PIP4K2A: variants seen among roughly 807,000 people sequenced by gnomAD.
PIP4K2A encodes phosphatidylinositol-5-phosphate 4-kinase type 2 alpha.
In PIP4K2A, 14 loss-of-function variants were observed where a neutral mutation model predicts 42.9. The observed-to-expected ratio is 0.33, with a 90% CI of 0.22 to 0.51. The LOEUF (loss-of-function observed/expected upper bound fraction) is 0.51. Among genes scored for constraint, PIP4K2A ranks in the 20% least tolerant of loss-of-function variants. The pLI is 0.97. For missense variants in PIP4K2A, 434 were observed against 519.8 expected, an observed-to-expected ratio of 0.83 and a Z score of 1.61; for synonymous variants, 192 against 192.2, an observed-to-expected ratio of 1.00 and a Z score of 0.01.
At chr10:22,698,448 C>T (rs35386008) in intron 1 of PIP4K2A, among the ~76,000 whole-genome samples, 1 of 152,040 alleles carries the variant, frequency 6.6e-6, no homozygotes, top group Non-Finnish European at 1.5e-5. Flanking sequence ...GTAAATTCCC[C>T]AAAAAGAGAA....
chr10:22,540,070 C>T lies in PIP4K2A; in HGVS notation c.1041G>A (p.Ser347=), dbSNP rs755509877. ...DVYGIKCHEN[S]PRKEVYFMAI... is the part of the protein sequence containing the mutation. ...CCATGAAGTACACCTCCTTCCTAGG[C>T]GAGTCTGCAGAGACAGGAGAGCAAT... The change falls in exon 9 of 10, where the codon TCG becomes TCA. Residue 347 remains serine (S), a synonymous_variant. Coordinates refer to ENST00000376573, the MANE Select transcript of PIP4K2A (RefSeq NM_005028.5). The T allele has an allele frequency of 3.8e-5, 61 of 1,585,020 alleles. No individual in the cohort carries two copies. Among genetic ancestry groups the T allele is most frequent in the South Asian group, 2.7e-4 (24 of 90,558 alleles).
chr10:22,607,597 T>G (rs954127921), intron 3 of PIP4K2A, among the ~76,000 whole-genome samples: 3 of 152,146 alleles, frequency 2.0e-5, no homozygotes, highest in Non-Finnish European at 4.4e-5. Context: ...TACTGACATG[T>G]CTGACAGCAG....
intron 1 of PIP4K2A, among the ~76,000 whole-genome samples, chr10:22,687,304 T>C (rs1216787380): frequency 6.6e-6 from 1 of 152,120 alleles, no homozygotes; most frequent in African/African-American, 2.4e-5. Flanking sequence ...ATTTTATATG[T>C]GGACTCTTTT....
At chr10:22,700,925 A>G (rs1564471849) in intron 1 of PIP4K2A, among the ~76,000 whole-genome samples, 3 of 152,244 alleles carry the variant, frequency 2.0e-5, no homozygotes, top group African/African-American at 7.2e-5. Context: ...AATGGAAATG[A>G]ATAAAACCAT....
chr10:22,590,192 T>A (rs1837480459), intron 4 of PIP4K2A, among the ~76,000 whole-genome samples: 2 of 152,184 alleles, frequency 1.3e-5, no homozygotes, highest in South Asian at 4.1e-4. Flanking sequence ...CCTCTAGAAC[T>A]GTAAGAAATA....
chr10:22,595,026 A>T (rs1384796732), intron 3 of PIP4K2A, among the ~76,000 whole-genome samples: 1 of 152,244 alleles, frequency 6.6e-6, no homozygotes, highest in Non-Finnish European at 1.5e-5. Flanking sequence ...AAAACATAGA[A>T]TGTACCTTTC....
intron 5 of PIP4K2A, chr10:22,569,199 G>C (rs930528275): frequency 7.7e-6 from 5 of 650,856 alleles, no homozygotes; most frequent in Non-Finnish European, 1.4e-5. Context: ...AGACCAGGCT[G>C]GGGGGGTCTC....
chr10:22,610,230 C>T (rs1057267156), intron 1 of PIP4K2A, among the ~76,000 whole-genome samples: 7 of 152,056 alleles, frequency 4.6e-5, no homozygotes, highest in African/African-American at 1.7e-4. Flanking sequence ...ATGAATTTAC[C>T]AAAAGAAGAA....
chr10:22,604,468 AACC>A (rs1264542817), intron 3 of PIP4K2A, among the ~76,000 whole-genome samples: 3 of 151,874 alleles, frequency 2.0e-5, no homozygotes, highest in Non-Finnish European at 4.4e-5. Context: ...TGGAGCCCCT[AACC>A]ACCACATTGA....
intron 1 of PIP4K2A, among the ~76,000 whole-genome samples, chr10:22,669,647 G>T (rs937833938): frequency 9.2e-5 from 14 of 152,186 alleles, no homozygotes; most frequent in African/African-American, 3.1e-4. Context: ...GTGCCCACTG[G>T]AGAGGCCATG....
At chr10:22,682,017 G>C (rs1049912993) in intron 1 of PIP4K2A, among the ~76,000 whole-genome samples, 1 of 151,092 alleles carries the variant, frequency 6.6e-6, no homozygotes, top group Admixed American at 6.6e-5. Context: ...TTGTACATAC[G>C]TAAAAACTAT....
intron 1 of PIP4K2A, among the ~76,000 whole-genome samples, chr10:22,650,848 C>T (rs1588685820): frequency 6.7e-6 from 1 of 150,330 alleles, no homozygotes. Flanking sequence ...TTTTTTTTTT[C>T]CCCTACCTTT....
chr10:22,647,947 A>G (rs1838916497), intron 1 of PIP4K2A, among the ~76,000 whole-genome samples: 2 of 152,262 alleles, frequency 1.3e-5, no homozygotes, highest in Non-Finnish European at 2.9e-5. Flanking sequence ...TTAGAAGATA[A>G]AAATAAAACA....
chr10:22,714,046 T>C, intron 1 of PIP4K2A, 137 bp downstream of exon 1: 2 of 895,442 alleles, frequency 2.2e-6, no homozygotes, highest in Non-Finnish European at 3.3e-6. Context: ...GCTGGGGGCT[T>C]CGAGGCGGGC....
intron 3 of PIP4K2A, among the ~76,000 whole-genome samples, chr10:22,594,523 G>C (rs764804266): frequency 6.6e-6 from 1 of 152,176 alleles, no homozygotes; most frequent in Non-Finnish European, 1.5e-5. Flanking sequence ...TGCCTCCTGA[G>C]TAGCTGGGAT....
At chr10:22,559,499 G>A (rs1456689168) in intron 6 of PIP4K2A, among the ~76,000 whole-genome samples, 1 of 152,156 alleles carries the variant, frequency 6.6e-6, no homozygotes, top group Non-Finnish European at 1.5e-5. Context: ...AATCTGGAAA[G>A]TGCTCACAAG....
At chr10:22,674,721 T>A (rs1236102427) in intron 1 of PIP4K2A, among the ~76,000 whole-genome samples, 2 of 151,746 alleles carry the variant, frequency 1.3e-5, no homozygotes, top group African/African-American at 4.8e-5. Flanking sequence ...CGTGGGAGGA[T>A]GCTTGAGGCC....
At chr10:22,555,759 TA>T (rs542246485) in intron 6 of PIP4K2A, among the ~76,000 whole-genome samples, 8,610 of 143,254 alleles carry the variant, frequency 0.06, 587 homozygotes, top group African/African-American at 0.17. Context: ...CCTGGATAAT[TA>T]AAAAAAAAAA....
chr10:22,541,778 A>C (rs148507869), intron 8 of PIP4K2A, 26 bp downstream of exon 8: 2 of 1,506,878 alleles, frequency 1.3e-6, no homozygotes, highest in Non-Finnish European at 1.8e-6. Flanking sequence ...TCACATGCAA[A>C]AAGGGTCCAC....
Sources: gnomAD v4.1 joint callset for allele counts (sites outside exome capture counted in the v4.1 genomes callset) on GRCh38, gnomAD v4.1.1 for gene constraint, MANE v1.5 for transcripts, NCBI Gene and HGNC (gene_info 2026-07-23, HGNC 2026-07-21) for gene names.